The following NFATC2 variants were observed in gnomAD, a reference collection of about 807,000 sequenced individuals.
NFATC2 encodes nuclear factor of activated T cells 2.
In NFATC2, 22 loss-of-function variants were observed where a neutral mutation model predicts 87.3. The ratio of observed to expected loss-of-function variants is 0.25; its 90% confidence interval spans 0.18 to 0.36. The LOEUF (loss-of-function observed/expected upper bound fraction) is 0.36, where lower values mean the gene tolerates loss of function less well. NFATC2 is among the 10% of genes least tolerant of loss of function. The probability of loss-of-function intolerance (pLI) is 1.00; values close to 1 mark genes in which losing one functional copy is unlikely to be tolerated. For missense variants in NFATC2, 1,149 were observed against 1,259.1 expected (o/e 0.91, Z 1.32); for synonymous variants, 565 against 542.2 (o/e 1.04, Z -0.58).
At chr20:51,467,584 A>G (rs1987816594) in intron 5 of NFATC2, among the ~76,000 whole-genome samples, 1 of 152,232 alleles carries the variant, frequency 6.6e-6, no homozygotes, top group East Asian at 1.9e-4. Flanking sequence ...TAGAAGACAC[A>G]TAGATAGCCA....
At chr20:51,399,939 T>C (rs1455984181) in intron 9 of NFATC2, among the ~76,000 whole-genome samples, 2 of 152,242 alleles carry the variant, frequency 1.3e-5, no homozygotes, top group Non-Finnish European at 2.9e-5. Context: ...AATATCTACC[T>C]GCCCAAACTT....
intron 1 of NFATC2, among the ~76,000 whole-genome samples, chr20:51,553,148 G>A (rs1005980237): frequency 6.6e-6 from 1 of 152,050 alleles, no homozygotes; most frequent in Non-Finnish European, 1.5e-5. Flanking sequence ...TCGGCTGGAG[G>A]TGAGTAGAGG....
At chr20:51,392,091 A>G (rs1461872922) in intron 10 of NFATC2, among the ~76,000 whole-genome samples, 1 of 152,188 alleles carries the variant, frequency 6.6e-6, no homozygotes, top group African/African-American at 2.4e-5. Flanking sequence ...TTGTGTACCA[A>G]ACTACTTCCA....
chr20:51,477,673 A>G (rs947971443), intron 3 of NFATC2, among the ~76,000 whole-genome samples: 3 of 150,358 alleles, frequency 2.0e-5, no homozygotes, highest in Non-Finnish European at 3.0e-5. Context: ...AAATCATTTA[A>G]TCTTTCTGTG....
At chr20:51,527,979 C>T (rs2076571812) in intron 1 of NFATC2, among the ~76,000 whole-genome samples, 2 of 151,224 alleles carry the variant, frequency 1.3e-5, no homozygotes, top group Non-Finnish European at 2.9e-5. Flanking sequence ...TGGCACCTAC[C>T]TGTAGTCCCA....
intron 5 of NFATC2, among the ~76,000 whole-genome samples, chr20:51,469,299 G>A (rs910434568): frequency 3.9e-5 from 6 of 152,178 alleles, no homozygotes; most frequent in Non-Finnish European, 8.8e-5. Context: ...TTATAGACGT[G>A]AGCCACCGAG....
intron 9 of NFATC2, among the ~76,000 whole-genome samples, chr20:51,423,521 C>A (rs950917522): frequency 6.6e-6 from 1 of 152,112 alleles, no homozygotes; most frequent in Non-Finnish European, 1.5e-5. Context: ...AAGAATGAAA[C>A]TACAAAGGAG....
At chr20:51,470,599 G>A (rs143419910) in intron 5 of NFATC2, among the ~76,000 whole-genome samples, 1 of 152,268 alleles carries the variant, frequency 6.6e-6, no homozygotes, top group East Asian at 1.9e-4. Context: ...ACTAGCCCAC[G>A]AAGTGTTTTT....
chr20:51,543,199 G>A (rs1452297072), upstream of NFATC2, among the ~76,000 whole-genome samples: 2 of 152,152 alleles, frequency 1.3e-5, no homozygotes, highest in African/African-American at 4.8e-5. Context: ...CCAGCGCCTA[G>A]GAAGGAATCG....
rs754276672 is a variant in NFATC2, at chr20:51,432,408, C to G, written c.2381G>C (p.Ser794Thr). 1 of 1,598,060 alleles carries G rather than the reference C, an allele frequency of 6.3e-7. No homozygotes were observed. Among genetic ancestry groups the G allele is most frequent in the African/African-American group, 1.3e-5 (1 of 74,710 alleles). ...CGGAGAGGGGTGGAGCAGGGCTGAG[C>G]TCTGGCCCTGGGAGCCGGCGTGCAC... Reference protein sequence around the residue: ...VLVHAGSQGQSSALLHPSPTN... With the variant: ...VLVHAGSQGQTSALLHPSPTN... The change falls in exon 9 of 11, where the codon AGC (serine) becomes ACC (threonine). Residue 794 changes from serine (S) to threonine (T), a missense_variant. By Grantham distance (58) the Ser-to-Thr change is moderately conservative. Around this residue, in one of 3 missense-constraint regions of NFATC2, gnomAD observed 581 missense variants for 649.7 expected, o/e 0.89. Coordinates refer to ENST00000371564, the MANE Select transcript of NFATC2 (RefSeq NM_012340.5). This position sits in a 1 kb window ranked among gnomAD's most constrained non-coding sequence, Gnocchi z 4.6.
intron 9 of NFATC2, among the ~76,000 whole-genome samples, chr20:51,427,737 G>A (rs977690612): frequency 2.0e-5 from 3 of 152,062 alleles, no homozygotes; most frequent in Non-Finnish European, 2.9e-5. Flanking sequence ...CCAGGTCTGC[G>A]TCCATCCCCA....
At chr20:51,435,387 A>T in intron 7 of NFATC2, 73 bp from the exon 8 acceptor site, 1 of 1,598,770 alleles carries the variant, frequency 6.3e-7, no homozygotes, top group Non-Finnish European at 8.5e-7. Flanking sequence ...AAGCGCATCC[A>T]GGCAGCCCAC....
At chr20:51,455,161 T>G (rs1353139924) in intron 5 of NFATC2, among the ~76,000 whole-genome samples, 1 of 152,226 alleles carries the variant, frequency 6.6e-6, no homozygotes, top group Non-Finnish European at 1.5e-5. Context: ...CCTGAAGGGT[T>G]TAGACATATT....
chr20:51,521,445 C>T (rs2076443525), intron 2 of NFATC2, among the ~76,000 whole-genome samples: 1 of 152,172 alleles, frequency 6.6e-6, no homozygotes, highest in South Asian at 2.1e-4. Flanking sequence ...CTCAGCCTCC[C>T]GAGTAGCTGG....
chr20:51,478,048 A>C (rs1433504779), intron 3 of NFATC2, among the ~76,000 whole-genome samples: 2 of 152,156 alleles, frequency 1.3e-5, no homozygotes, highest in African/African-American at 4.8e-5. Context: ...GAAAGATGGC[A>C]TGCTCATGTC....
chr20:51,422,645 CA>C (rs1291511385), intron 9 of NFATC2, among the ~76,000 whole-genome samples: 8 of 146,584 alleles, frequency 5.5e-5, no homozygotes, highest in African/African-American at 2.0e-4. Context: ...TGGTTCAGAG[CA>C]AAAAGAGAGT....
chr20:51,528,604 G>A (rs908933929), intron 1 of NFATC2, among the ~76,000 whole-genome samples: 1 of 152,208 alleles, frequency 6.6e-6, no homozygotes, highest in African/African-American at 2.4e-5. Flanking sequence ...TCCAGGGAGG[G>A]GAACTAAGGA....
At chr20:51,537,841 AAAATT>A (rs1208197745) in intron 1 of NFATC2, among the ~76,000 whole-genome samples, 1 of 152,244 alleles carries the variant, frequency 6.6e-6, no homozygotes, top group East Asian at 1.9e-4. Context: ...CACTAGAAAG[AAAATT>A]AAGAGTCTTC....
chr20:51,396,811 C>G (rs767318027), intron 10 of NFATC2, among the ~76,000 whole-genome samples: 1 of 152,202 alleles, frequency 6.6e-6, no homozygotes, highest in Admixed American at 6.5e-5. Context: ...ACATGAAGTC[C>G]TCTCTGGGAT....
Sources: allele counts gnomAD v4.1 joint callset (sites outside exome capture counted in the v4.1 genomes callset), GRCh38; gene constraint gnomAD v4.1.1; regional missense constraint gnomAD v4.1.1; non-coding constraint Gnocchi (gnomAD v3.1); transcripts MANE v1.5; gene names NCBI Gene and HGNC (gene_info 2026-07-23, HGNC 2026-07-21).